The following SLMAP variants were observed in gnomAD, a reference collection of about 807,000 sequenced individuals.
SLMAP encodes the protein sarcolemma associated protein.
SLMAP carries 44 observed loss-of-function variants against 128.8 expected under a neutral mutation model. The observed-to-expected ratio is 0.34, with a 90% CI of 0.27 to 0.44. The LOEUF is 0.44. Ranked by LOEUF, SLMAP falls within the 20% of genes least tolerant of loss-of-function variation. SLMAP has a pLI of 1.00. For missense variants in SLMAP, 787 were observed against 985.3 expected (o/e 0.80, Z 2.69); for synonymous variants, 327 against 348.8 (o/e 0.94, Z 0.70).
intron 2 of SLMAP, among the ~76,000 whole-genome samples, chr3:57,774,749 C>T (rs1459406621): frequency 2.0e-5 from 3 of 152,076 alleles, no homozygotes; most frequent in Non-Finnish European, 4.4e-5. Flanking sequence ...TGGTCTTGAA[C>T]TCCTGACCTT....
chr3:57,926,121 CTTGT>C (rs1271597366), intron 24 of SLMAP, 187 bp downstream of exon 24: 4 of 580,226 alleles, frequency 6.9e-6, no homozygotes, highest in African/African-American at 1.9e-5. Context: ...AACTTTTTGT[CTTGT>C]TTACTTTGTA....
Position 57,863,674 on chromosome 3 carries a change from C to T in SLMAP, c.967-874C>T, listed in dbSNP as rs1174291353. On this transcript the variant is annotated intron_variant, in intron 10 of 24. Coordinates refer to ENST00000671191, the MANE Select transcript of SLMAP (RefSeq NM_001377540.1). ...ATAGGACTAATAGAGTGAGAATTCA[C>T]TCATTACCATGAGGACAGCACCAAG... 2.6e-5 allele frequency among the ~76,000 whole-genome samples: 4 copies of T among 152,222 alleles called. No homozygotes were observed. In the East Asian group the frequency reaches 7.7e-4, roughly 29 times the overall value.
At position 57,757,865 on chromosome 3, in the gene SLMAP, T is replaced by A. The variant is rs573078775; in HGVS notation, c.198+16T>A. ...GACGGGCAAGGTAATGTCACCACAT[T>A]GTCCAGCGGCATTGTTTAACAAACT... On this transcript the variant is annotated intron_variant, in intron 2 of 24. Transcript: ENST00000671191. The A allele has an allele frequency of 6.2e-7, 1 of 1,612,836 alleles. No individual in the cohort carries two copies. Among genetic ancestry groups the A allele is most frequent in the South Asian group, 1.1e-5 (1 of 90,994 alleles).
At position 57,928,790 on chromosome 3, in the gene SLMAP, CTGTT is replaced by C. The variant is rs1183136267; in HGVS notation, c.*1503_*1506del. On this transcript the variant is annotated 3_prime_UTR_variant, in exon 25 of 25. Coordinates refer to ENST00000671191, the MANE Select transcript of SLMAP (RefSeq NM_001377540.1). The stretch of plus-strand genomic sequence containing the variant: ...TTTGCCTTGTGATGTTTGGCAGTCA[CTGTT>C]TATACTTTAAAGGTTATATTTTAAG... 2 of 152,368 alleles carry C rather than the reference CTGTT, an allele frequency of 1.3e-5. No homozygotes were observed. Among genetic ancestry groups the C allele is most frequent in the African/African-American group, 2.4e-5 (1 of 41,430 alleles). 9.4% of individuals were successfully genotyped at this position (152,368 alleles called of 1,614,324 possible).
intron 3 of SLMAP, among the ~76,000 whole-genome samples, chr3:57,831,917 T>C (rs2093362076): frequency 6.6e-6 from 1 of 152,234 alleles, no homozygotes. Context: ...TGTCTTCCTG[T>C]TCTACTGTCT....
chr3:57,916,672 T>C (rs1012688640), intron 21 of SLMAP, among the ~76,000 whole-genome samples: 1 of 152,246 alleles, frequency 6.6e-6, no homozygotes, highest in African/African-American at 2.4e-5. Context: ...CTATTTCTGT[T>C]TTTAAAATTT....
chr3:57,864,696 A>G lies in SLMAP; in HGVS notation c.1115A>G (p.Glu372Gly). ...CAAGCTGATAATGATTTCACCAATG[A>G]AAGGCTAACAGCTTTACAAGGTAAG... is the stretch of plus-strand genomic sequence containing the variant. ...ALQADNDFTN[E>G]RLTALQVRLE... Residue 372 changes from glutamate (E) to glycine (G), a missense_variant, in exon 11 of 25, where the codon GAA becomes GGA. By Grantham distance (98) the Glu-to-Gly change is moderately conservative. Around this residue, in one of 2 missense-constraint regions of SLMAP, gnomAD observed 715 missense variants for 843.6 expected, o/e 0.85. Coordinates refer to ENST00000671191, the MANE Select transcript of SLMAP (RefSeq NM_001377540.1). The G allele has an allele frequency of 6.3e-7, 1 of 1,594,596 alleles. No homozygotes were observed. The highest frequency in any genetic ancestry group is 8.5e-7 in the Non-Finnish European group (1 of 1,175,342).
At chr3:57,811,584 T>C (rs1301841931) in intron 2 of SLMAP, among the ~76,000 whole-genome samples, 1 of 152,226 alleles carries the variant, frequency 6.6e-6, no homozygotes, top group Admixed American at 6.5e-5. Context: ...TTTGAGACCC[T>C]ACTTTTGGCT....
At chr3:57,777,971 A>G (rs1303297218) in intron 2 of SLMAP, among the ~76,000 whole-genome samples, 1 of 152,174 alleles carries the variant, frequency 6.6e-6, no homozygotes, top group Non-Finnish European at 1.5e-5. Context: ...CCTGAGATAA[A>G]CTACACTTGG....
chr3:57,852,918 T>A (rs958077113), intron 6 of SLMAP, among the ~76,000 whole-genome samples: 5 of 152,344 alleles, frequency 3.3e-5, no homozygotes, highest in Middle Eastern at 3.4e-3. Flanking sequence ...ATGTTCTTAT[T>A]GAACTGCTAA....
intron 14 of SLMAP, among the ~76,000 whole-genome samples, chr3:57,871,913 T>C (rs925414614): frequency 1.3e-5 from 2 of 152,242 alleles, no homozygotes; most frequent in African/African-American, 4.8e-5. Context: ...CATTTCATAA[T>C]AGCTACCATA....
At chr3:57,862,168 T>TAA (rs2095098613) in intron 10 of SLMAP, 82 bp downstream of exon 10, 3 of 1,169,096 alleles carry the variant, frequency 2.6e-6, no homozygotes, top group African/African-American at 3.1e-5. Flanking sequence ...GGTATTGCTT[T>TAA]AGCTGGGCGT....
At chr3:57,770,596 A>G (rs2080652726) in intron 2 of SLMAP, among the ~76,000 whole-genome samples, 3 of 152,168 alleles carry the variant, frequency 2.0e-5, no homozygotes, top group Non-Finnish European at 2.9e-5. Flanking sequence ...TTGGAGTTGG[A>G]CTACTGGTAT....
intron 15 of SLMAP, among the ~76,000 whole-genome samples, chr3:57,895,517 G>C (rs999895055): frequency 6.6e-6 from 1 of 151,876 alleles, no homozygotes; most frequent in Non-Finnish European, 1.5e-5. Flanking sequence ...TGTATTTTTT[G>C]TAGAGATGGG....
chr3:57,923,030 C>G lies in SLMAP; in HGVS notation c.2445+7C>G. The G allele has an allele frequency of 1.2e-6, 2 of 1,612,382 alleles. No homozygotes were observed. Among genetic ancestry groups the G allele is most frequent in the Non-Finnish European group, 1.7e-6 (2 of 1,179,350 alleles). ...CCGAGAGAAAGGAAATAATGTAAGTCTTTGCAAACTTGGCTTAGCTTTGAT... is the reference window on the plus strand; with the variant it reads ...CCGAGAGAAAGGAAATAATGTAAGTGTTTGCAAACTTGGCTTAGCTTTGAT... On this transcript the variant is annotated splice_region_variant and intron_variant, in intron 23 of 24. Transcript: ENST00000671191.
At chr3:57,911,193 CT>C (rs1458655955) in intron 19 of SLMAP, among the ~76,000 whole-genome samples, 3 of 152,088 alleles carry the variant, frequency 2.0e-5, no homozygotes, top group Admixed American at 1.3e-4. Context: ...TGAGTGCCCC[CT>C]GGTGCCAGCA....
chr3:57,922,800 A>G (rs988681516), intron 22 of SLMAP, 89 bp from the exon 23 acceptor site: 29 of 1,213,886 alleles, frequency 2.4e-5, no homozygotes, highest in Non-Finnish European at 3.3e-5. Context: ...AGGTGACTAA[A>G]TAGGATCTGG....
intron 3 of SLMAP, among the ~76,000 whole-genome samples, chr3:57,838,713 C>T (rs921155533): frequency 5.3e-5 from 8 of 152,176 alleles, no homozygotes; most frequent in Admixed American, 5.2e-4. Flanking sequence ...CTAAGTAGCA[C>T]ATGGTCATGC....
chr3:57,757,872 C>A lies in SLMAP; in HGVS notation c.198+23C>A, dbSNP rs751838050. 5 of 1,609,632 alleles carry A rather than the reference C, an allele frequency of 3.1e-6. No individual in the cohort carries two copies. The African/African-American group carries it at 5.3e-5, about 17-fold the overall frequency. Reference sequence around the variant, plus strand: ...AAGGTAATGTCACCACATTGTCCAGCGGCATTGTTTAACAAACTTTTTTTC... The same window carrying A: ...AAGGTAATGTCACCACATTGTCCAGAGGCATTGTTTAACAAACTTTTTTTC... On this transcript the variant is annotated intron_variant, in intron 2 of 24. Transcript: ENST00000671191.
Sources: allele counts gnomAD v4.1 joint callset (sites outside exome capture counted in the v4.1 genomes callset), GRCh38; gene constraint gnomAD v4.1.1; regional missense constraint gnomAD v4.1.1; transcripts MANE v1.5; gene names NCBI Gene and HGNC (gene_info 2026-07-23, HGNC 2026-07-21).